The following MMP16 variants were observed in gnomAD, a reference collection of about 807,000 sequenced individuals.
The protein encoded by MMP16 is matrix metallopeptidase 16.
A neutral mutation model predicts 67.8 loss-of-function variants in MMP16; 12 were observed. That is an observed-to-expected ratio of 0.18 (90% CI 0.11 to 0.29). The LOEUF (loss-of-function observed/expected upper bound fraction) is 0.29, where lower values mean the gene tolerates loss of function less well. Among genes scored for constraint, MMP16 ranks in the 10% least tolerant of loss-of-function variants. The pLI, the probability that MMP16 is intolerant of heterozygous loss-of-function variation, is 1.00. For synonymous variants in MMP16, 249 were observed against 255.9 expected, an observed-to-expected ratio of 0.97 and a Z score of 0.26; for missense variants, 475 against 765.7, an observed-to-expected ratio of 0.62 and a Z score of 4.48.
chr8:88,156,051 T>C (rs368213110), intron 4 of MMP16, among the ~76,000 whole-genome samples: 2 of 152,280 alleles, frequency 1.3e-5, no homozygotes, highest in East Asian at 3.9e-4. Flanking sequence ...AAAATTAATT[T>C]AGAATTGTGT....
intron 7 of MMP16, among the ~76,000 whole-genome samples, chr8:88,062,589 T>C (rs912147600): frequency 4.1e-4 from 62 of 151,230 alleles, no homozygotes; most frequent in African/African-American, 1.4e-3. Flanking sequence ...TTCTCACTCA[T>C]AGGTGGGAAT....
intron 1 of MMP16, among the ~76,000 whole-genome samples, chr8:88,235,532 TTTTG>T (rs969408044): frequency 2.0e-5 from 3 of 152,138 alleles, no homozygotes; most frequent in African/African-American, 7.2e-5. Flanking sequence ...CAGGGTTTGA[TTTTG>T]TTTTTGTTTT....
At chr8:88,175,206 G>A (rs546384071) in intron 3 of MMP16, among the ~76,000 whole-genome samples, 64 of 152,152 alleles carry the variant, frequency 4.2e-4, no homozygotes, top group Admixed American at 7.2e-4. Context: ...AAAGTAATCC[G>A]GTCATTTTAG....
At position 88,041,372 on chromosome 8, in the gene MMP16, C is replaced by T; in HGVS notation, c.*89G>A. On this transcript the variant is annotated 3_prime_UTR_variant, in exon 10 of 10. Transcript: ENST00000286614. The surrounding 1 kb of genome is among the most constrained non-coding windows in gnomAD (Gnocchi z 6.0). ...GAATCAGGCTGCCACAAGCCTGCTC[C>T]TAGCTAGGAAACAGCATAACAGCTC... The T allele has an allele frequency of 7.2e-7, 1 of 1,380,394 alleles. No homozygotes were observed. Among genetic ancestry groups the T allele is most frequent in the East Asian group, 2.3e-5 (1 of 43,376 alleles). 85.5% of individuals were successfully genotyped at this position (1,380,394 alleles called of 1,614,324 possible).
At chr8:88,252,837 T>C (rs1159088697) in intron 1 of MMP16, among the ~76,000 whole-genome samples, 1 of 152,084 alleles carries the variant, frequency 6.6e-6, no homozygotes, top group Non-Finnish European at 1.5e-5. Context: ...AGCACTAATG[T>C]AGAAACATTT....
intron 1 of MMP16, among the ~76,000 whole-genome samples, chr8:88,206,894 C>T (rs1243382308): frequency 6.6e-6 from 1 of 152,078 alleles, no homozygotes; most frequent in East Asian, 1.9e-4. Context: ...AATAGTGACT[C>T]CACATTATTG....
intron 7 of MMP16, among the ~76,000 whole-genome samples, chr8:88,061,706 G>A (rs928753720): frequency 6.6e-6 from 1 of 151,990 alleles, no homozygotes; most frequent in Non-Finnish European, 1.5e-5. Context: ...AGGAATTACA[G>A]TTCTTATAGG....
At chr8:88,293,454 T>C (rs966604036) in intron 1 of MMP16, among the ~76,000 whole-genome samples, 24 of 152,198 alleles carry the variant, frequency 1.6e-4, no homozygotes, top group Middle Eastern at 3.4e-3. Context: ...AGTAACAAAA[T>C]CCAATTTAGT....
At chr8:88,066,017 T>C (rs541022121) in intron 7 of MMP16, among the ~76,000 whole-genome samples, 20 of 152,254 alleles carry the variant, frequency 1.3e-4, no homozygotes, top group Admixed American at 1.1e-3. Flanking sequence ...ACAAGTGATT[T>C]GTGTCTCTTG....
rs544883458 is a variant in MMP16, at chr8:88,193,437, AAGG to A, written c.281+3718_281+3720del. On this transcript the variant is annotated intron_variant, in intron 2 of 9. Transcript: ENST00000286614. ...AGAATTATGGTTACTAGAGGCTGGG[AAGG>A]ATAGGAGGGAGGTGGGGATAAAGAG... Among the ~76,000 whole-genome samples, 621 of 152,232 alleles carry A rather than the reference AAGG, an allele frequency of 4.1e-3. 6 individuals are homozygous for A. Among genetic ancestry groups the A allele is most frequent in the African/African-American group, 0.014 (600 of 41,552 alleles).
chr8:88,311,675 G>T (rs1811296864), intron 1 of MMP16, among the ~76,000 whole-genome samples: 1 of 151,932 alleles, frequency 6.6e-6, no homozygotes, highest in African/African-American at 2.4e-5. Context: ...AATATAGATG[G>T]ATATAAACCA....
chr8:88,047,702 G>C (rs997447993), intron 8 of MMP16, among the ~76,000 whole-genome samples: 3 of 152,184 alleles, frequency 2.0e-5, no homozygotes, highest in Non-Finnish European at 4.4e-5. Flanking sequence ...CAGAACCTAA[G>C]ATTAGACAAG....
At chr8:88,307,977 C>T (rs369350373) in intron 1 of MMP16, among the ~76,000 whole-genome samples, 15 of 152,186 alleles carry the variant, frequency 9.9e-5, no homozygotes, top group African/African-American at 3.4e-4. Flanking sequence ...TCTCAGAAAG[C>T]TGCAAAACAC....
In MMP16 at chr8:88,238,707, C is replaced by T. The variant is rs547141067; in HGVS notation, c.133-41401G>A. On this transcript the variant is annotated intron_variant, in intron 1 of 9. Transcript: ENST00000286614. ...AAAAAAAGACGTGGGCTCTTTGTTT[C>T]CTATCCTTCTGCCTTTTTTATACTG... Among the ~76,000 whole-genome samples, 9 of 147,160 alleles carry T rather than the reference C, an allele frequency of 6.1e-5. 1 individual carries two copies. The South Asian group carries it at 1.5e-3, about 25-fold the overall frequency.
chr8:88,313,727 C>G (rs558965581), intron 1 of MMP16, among the ~76,000 whole-genome samples: 1 of 152,032 alleles, frequency 6.6e-6, no homozygotes, highest in Non-Finnish European at 1.5e-5. Flanking sequence ...CAAGACTGGG[C>G]AATTTACAAA....
chr8:88,317,443 A>G (rs780340085), intron 1 of MMP16, among the ~76,000 whole-genome samples: 5 of 152,156 alleles, frequency 3.3e-5, no homozygotes, highest in Non-Finnish European at 5.9e-5. Context: ...TAAGGTATGT[A>G]CATGCTTTTT....
intron 1 of MMP16, among the ~76,000 whole-genome samples, chr8:88,281,404 G>T (rs1265645145): frequency 6.6e-6 from 1 of 152,120 alleles, no homozygotes; most frequent in East Asian, 1.9e-4. Context: ...AAACATCAGT[G>T]GAAGGGTCAG....
At chr8:88,110,311 T>G (rs544813519) in intron 6 of MMP16, among the ~76,000 whole-genome samples, 1 of 151,598 alleles carries the variant, frequency 6.6e-6, no homozygotes, top group South Asian at 2.1e-4. Context: ...CAAGGAGAAA[T>G]TTTAAAGCAT....
intron 1 of MMP16, among the ~76,000 whole-genome samples, chr8:88,244,884 G>A (rs943915654): frequency 6.6e-6 from 1 of 151,986 alleles, no homozygotes; most frequent in South Asian, 2.1e-4. Context: ...TCTTAATACC[G>A]AGAGATAATG....
Sources: allele counts gnomAD v4.1 joint callset (sites outside exome capture counted in the v4.1 genomes callset), GRCh38; gene constraint gnomAD v4.1.1; non-coding constraint Gnocchi (gnomAD v3.1); transcripts MANE v1.5; gene names NCBI Gene and HGNC (gene_info 2026-07-23, HGNC 2026-07-21).